The following ERC2 variants were observed in gnomAD, a reference collection of about 807,000 sequenced individuals.
ERC2 encodes the protein ELKS/RAB6-interacting/CAST family member 2, also known as ERC protein 2.
In ERC2, 42 loss-of-function variants were observed where a neutral mutation model predicts 114.8. The ratio of observed to expected loss-of-function variants is 0.37; its 90% confidence interval spans 0.29 to 0.47. The LOEUF is 0.47. Ranked by LOEUF, ERC2 falls within the 20% of genes least tolerant of loss-of-function variation. The probability of loss-of-function intolerance (pLI) is 0.99; values close to 1 mark genes in which losing one functional copy is unlikely to be tolerated. For missense variants in ERC2, 939 were observed against 1,150.7 expected, an observed-to-expected ratio of 0.82 and a Z score of 2.66; for synonymous variants, 454 against 425.5, an observed-to-expected ratio of 1.07 and a Z score of -0.82.
At chr3:55,734,697 A>T in intron 15 of ERC2, 74 bp downstream of exon 15, 1 of 1,529,598 alleles carries the variant, frequency 6.5e-7, no homozygotes, top group South Asian at 1.3e-5. Context: ...GAAAATGAAG[A>T]GTGGCTAAAA....
intron 17 of ERC2, among the ~76,000 whole-genome samples, chr3:55,513,739 T>C (rs150492888): frequency 2.6e-3 from 393 of 152,176 alleles, no homozygotes; most frequent in African/African-American, 9.3e-3. Context: ...AATCAAGCAA[T>C]CCTCCTAGCT....
At chr3:56,413,225 T>G (rs531710915) in intron 2 of ERC2, among the ~76,000 whole-genome samples, 1 of 152,352 alleles carries the variant, frequency 6.6e-6, no homozygotes, top group African/African-American at 2.4e-5. Context: ...TGCTCTGGCA[T>G]GGTGACCACT....
rs374741384 is a variant in ERC2 at position 55,582,881 on chromosome 3, C to A, written c.*40-71605G>T. On this transcript the variant is annotated intron_variant, in intron 17 of 17. Transcript: ENST00000288221. ...ATGTACTGCATGGTGGTGAAGAATA[C>A]GGGGCTTTGGAGAGGAAGCCCTGAG... 1.4e-3 allele frequency among the ~76,000 whole-genome samples: 212 copies of A among 152,262 alleles called. 1 individual carries two copies. The highest frequency in any genetic ancestry group is 7.5e-4 in the Non-Finnish European group (51 of 68,026).
At chr3:55,847,113 T>C (rs1194583209) in intron 14 of ERC2, among the ~76,000 whole-genome samples, 1 of 152,198 alleles carries the variant, frequency 6.6e-6, no homozygotes, top group Non-Finnish European at 1.5e-5. Context: ...AAAGGATATA[T>C]ATCTTTAATA....
chr3:56,056,795 AC>A (rs2076032848), intron 7 of ERC2, among the ~76,000 whole-genome samples: 1 of 152,172 alleles, frequency 6.6e-6, no homozygotes, highest in South Asian at 2.1e-4. Context: ...ATATTAAGAG[AC>A]TGGAATGAAT....
chr3:56,371,722 T>A (rs1355004210), intron 2 of ERC2, among the ~76,000 whole-genome samples: 1 of 152,108 alleles, frequency 6.6e-6, no homozygotes, highest in Admixed American at 6.5e-5. Context: ...CCTATTAATA[T>A]CCCCTCCCTT....
intron 13 of ERC2, among the ~76,000 whole-genome samples, chr3:55,893,460 C>A (rs373817788): frequency 2.6e-4 from 40 of 152,246 alleles, no homozygotes; most frequent in African/African-American, 9.6e-4. Flanking sequence ...ATGTACCTAA[C>A]CACCTGTTGA....
rs751295218 is a variant in ERC2, at chr3:55,549,952, G to GAGATACAC, written c.*40-38677_*40-38676insGTGTATCT. 1.6e-4 allele frequency among the ~76,000 whole-genome samples: 24 copies of GAGATACAC among 145,762 alleles called. No homozygotes were observed. The South Asian group carries it at 5.3e-3, about 32-fold the overall frequency. ...CACAAGAGAGAGAGAGAGAGAGAGAGAGAGAGACAGAGAGAGAGAGAGAGG... is the reference window on the plus strand; with the variant it reads ...CACAAGAGAGAGAGAGAGAGAGAGAGAGATACACAGAGAGACAGAGAGAGAGAGAGAGG... On this transcript the variant is annotated intron_variant, in intron 17 of 17. Coordinates refer to ENST00000288221, the MANE Select transcript of ERC2 (RefSeq NM_015576.3).
intron 1 of ERC2, among the ~76,000 whole-genome samples, chr3:56,459,011 T>C (rs2063191196): frequency 1.3e-5 from 2 of 152,162 alleles, no homozygotes; most frequent in African/African-American, 4.8e-5. Context: ...TGCCCACCAG[T>C]ATCACTGAGA....
chr3:55,571,124 CAAAAAAAAAAAAAA>C (rs60594862), intron 17 of ERC2, among the ~76,000 whole-genome samples: 228 of 67,448 alleles, frequency 3.4e-3, no homozygotes, highest in Middle Eastern at 0.013. Flanking sequence ...GAGACTCCGT[CAAAAAAAAAAAAAA>C]AAAAAAAAAA....
chr3:56,268,440 C>T (rs1022436051), intron 3 of ERC2, among the ~76,000 whole-genome samples: 1 of 151,822 alleles, frequency 6.6e-6, no homozygotes, highest in East Asian at 1.9e-4. Context: ...TATATTTATA[C>T]AATAAAAATA....
At chr3:56,215,145 T>C (rs1057407867) in intron 3 of ERC2, among the ~76,000 whole-genome samples, 2 of 152,094 alleles carry the variant, frequency 1.3e-5, no homozygotes, top group African/African-American at 4.8e-5. Flanking sequence ...CATAACAATA[T>C]TAACCTTAAA....
intron 3 of ERC2, among the ~76,000 whole-genome samples, chr3:56,228,491 A>G (rs2050395989): frequency 6.6e-6 from 1 of 152,190 alleles, no homozygotes; most frequent in Non-Finnish European, 1.5e-5. Flanking sequence ...CACTTAGCAT[A>G]ATGTCCTTAA....
At chr3:56,297,550 G>A (rs935274063) in intron 2 of ERC2, among the ~76,000 whole-genome samples, 1 of 152,194 alleles carries the variant, frequency 6.6e-6, no homozygotes, top group Non-Finnish European at 1.5e-5. Flanking sequence ...TTTCCCCATA[G>A]GACAAACCCC....
intron 14 of ERC2, among the ~76,000 whole-genome samples, chr3:55,838,152 A>G (rs2060980375): frequency 6.6e-6 from 1 of 152,004 alleles, no homozygotes; most frequent in Non-Finnish European, 1.5e-5. Flanking sequence ...GCAACAGAAT[A>G]AGTAGAAAGA....
chr3:55,805,358 T>C (rs1176892962), intron 14 of ERC2, among the ~76,000 whole-genome samples: 1 of 151,908 alleles, frequency 6.6e-6, no homozygotes, highest in African/African-American at 2.4e-5. Flanking sequence ...GTGCCTGACA[T>C]AGAGCAGATG....
chr3:56,161,178 T>C (rs1463553906), intron 4 of ERC2, among the ~76,000 whole-genome samples: 1 of 152,198 alleles, frequency 6.6e-6, no homozygotes, highest in Non-Finnish European at 1.5e-5. Context: ...TTTCATGTGA[T>C]GTACCTGCTC....
chr3:56,054,318 G>A (rs749854554), intron 7 of ERC2, among the ~76,000 whole-genome samples: 17 of 152,178 alleles, frequency 1.1e-4, no homozygotes, highest in East Asian at 1.9e-4. Context: ...ATCGTTGAAC[G>A]GGGGAGATTT....
At chr3:55,802,527 A>G (rs1016584973) in intron 14 of ERC2, among the ~76,000 whole-genome samples, 1 of 152,228 alleles carries the variant, frequency 6.6e-6, no homozygotes, top group Non-Finnish European at 1.5e-5. Flanking sequence ...TGATACATAA[A>G]ATAGAACAAG....
Sources: allele counts gnomAD v4.1 joint callset (sites outside exome capture counted in the v4.1 genomes callset), GRCh38; gene constraint gnomAD v4.1.1; transcripts MANE v1.5; gene names NCBI Gene and HGNC (gene_info 2026-07-23, HGNC 2026-07-21).